Variants in MAD1L1 observed in about 807,000 individuals in gnomAD.
MAD1L1 encodes the protein mitotic spindle assembly checkpoint protein MAD1.
A neutral mutation model predicts 96.9 loss-of-function variants in MAD1L1; 95 were observed. That is an observed-to-expected ratio of 0.98 (90% CI 0.83 to 1.16). MAD1L1 has a LOEUF of 1.16. MAD1L1 is among the 50% of genes most tolerant of loss of function. The pLI is 0.00. For missense variants in MAD1L1, 1,007 were observed against 954.4 expected (o/e 1.06, Z -0.73); for synonymous variants, 473 against 396.6 (o/e 1.19, Z -2.29).
intron 17 of MAD1L1, among the ~76,000 whole-genome samples, chr7:1,916,430 A>G (rs1310754622): frequency 3.3e-5 from 5 of 152,174 alleles, no homozygotes; most frequent in Non-Finnish European, 7.4e-5. Context: ...GCTGGGCAGT[A>G]CAGAAAGAGG....
chr7:2,000,217 C>T (rs1427303112), intron 14 of MAD1L1, among the ~76,000 whole-genome samples: 1 of 152,120 alleles, frequency 6.6e-6, no homozygotes, highest in Non-Finnish European at 1.5e-5. Context: ...ATTCCCAGCC[C>T]TCACGCTCTC....
intron 12 of MAD1L1, among the ~76,000 whole-genome samples, chr7:2,021,167 C>T (rs751182058): frequency 3.3e-5 from 5 of 152,102 alleles, no homozygotes; most frequent in East Asian, 1.9e-4. Flanking sequence ...AAGTATCTGC[C>T]GTGATAATGG....
intron 11 of MAD1L1, among the ~76,000 whole-genome samples, chr7:2,137,901 G>A (rs1788829760): frequency 6.6e-6 from 1 of 152,240 alleles, no homozygotes; most frequent in Non-Finnish European, 1.5e-5. Flanking sequence ...GATGGCAGCT[G>A]CTGCTCACAG....
At chr7:2,115,671 GAC>G (rs899246056) in intron 11 of MAD1L1, among the ~76,000 whole-genome samples, 16 of 152,372 alleles carry the variant, frequency 1.1e-4, no homozygotes, top group Non-Finnish European at 1.5e-4. Flanking sequence ...CGGGCCTGTG[GAC>G]ACTCAGTCTG....
At chr7:2,131,535 G>A (rs548703264) in intron 11 of MAD1L1, among the ~76,000 whole-genome samples, 10 of 152,314 alleles carry the variant, frequency 6.6e-5, no homozygotes, top group African/African-American at 1.4e-4. Context: ...GTTCCCCGAC[G>A]AGCTTGTCAG....
chr7:2,145,517 G>A (rs980189323), intron 11 of MAD1L1, among the ~76,000 whole-genome samples: 1 of 152,218 alleles, frequency 6.6e-6, no homozygotes, highest in Non-Finnish European at 1.5e-5. Flanking sequence ...CAGTAAAAGG[G>A]GTCAAAACTA....
chr7:2,226,426 C>T (rs528876651), intron 3 of MAD1L1, among the ~76,000 whole-genome samples: 3 of 151,170 alleles, frequency 2.0e-5, no homozygotes, highest in East Asian at 1.9e-4. Context: ...CCACACAGGA[C>T]TAGTGATTAC....
chr7:2,027,041 CTA>C lies in MAD1L1; in HGVS notation c.1219-12401_1219-12400del, dbSNP rs577693045. On this transcript the variant is annotated intron_variant, in intron 12 of 18. Coordinates refer to ENST00000265854, the MANE Select transcript of MAD1L1 (RefSeq NM_001013836.2). Reference sequence around the variant, plus strand: ...AATAACAATATTGAAAAAGACATAACTAGAGATCACAAAAATATTAAAAACAT... The same window carrying C: ...AATAACAATATTGAAAAAGACATAACGAGATCACAAAAATATTAAAAACAT... Among the ~76,000 whole-genome samples the C allele has an allele frequency of 4.5e-3, 688 of 151,890 alleles. 4 individuals are homozygous for C. Among genetic ancestry groups the C allele is most frequent in the Non-Finnish European group, 6.1e-3 (414 of 67,924 alleles).
rs1787553940 is a variant in MAD1L1, at chr7:2,114,447, G to A, written c.1073+34705C>T. 6.6e-6 allele frequency among the ~76,000 whole-genome samples: 1 copy of A among 152,222 alleles called. No homozygotes were observed. The highest frequency in any genetic ancestry group is 1.5e-5 in the Non-Finnish European group (1 of 68,036). On this transcript the variant is annotated intron_variant, in intron 11 of 18. Coordinates refer to ENST00000265854, the MANE Select transcript of MAD1L1 (RefSeq NM_001013836.2). This position sits in a 1 kb window ranked among gnomAD's most constrained non-coding sequence, Gnocchi z 4.2. ...TAAGGCCACAAAGTGTATGGTCCTA[G>A]GGCATCTTTCCTGAAAGAGACAATT...
chr7:2,015,204 G>A (rs1379366159), intron 12 of MAD1L1, among the ~76,000 whole-genome samples: 1 of 152,200 alleles, frequency 6.6e-6, no homozygotes, highest in Non-Finnish European at 1.5e-5. Context: ...GTTCCAATGG[G>A]ACAGGAAACC....
At chr7:2,161,160 G>C (rs1354291994) in intron 10 of MAD1L1, among the ~76,000 whole-genome samples, 1 of 3,704 alleles carries the variant, frequency 2.7e-4, no homozygotes, top group African/African-American at 9.6e-4. Flanking sequence ...ATGCCGAGCC[G>C]AGGCTGGACT....
intron 17 of MAD1L1, among the ~76,000 whole-genome samples, chr7:1,934,627 G>A (rs951677508): frequency 5.8e-4 from 87 of 149,398 alleles, no homozygotes; most frequent in African/African-American, 2.0e-3. Context: ...ACGAACAGAC[G>A]GGCGAACCCG....
chr7:1,929,802 C>CCGTCCCCTACTGACACATCCCACCACCA, intron 17 of MAD1L1, among the ~76,000 whole-genome samples: 1 of 101,162 alleles, frequency 9.9e-6, no homozygotes, highest in African/African-American at 4.8e-5. Context: ...TCCCCTCGCC[C>CCGTCCCCTACTGACACATCCCACCACCA]CGTCCCCACT....
intron 10 of MAD1L1, among the ~76,000 whole-genome samples, chr7:2,207,128 T>A (rs376634954): frequency 2.1e-4 from 32 of 151,854 alleles, no homozygotes; most frequent in African/African-American, 7.7e-4. Context: ...CAATTTCTGC[T>A]GGGGCTTTGA....
chr7:1,878,576 A>AG (rs1785506493), intron 18 of MAD1L1, among the ~76,000 whole-genome samples: 2 of 151,948 alleles, frequency 1.3e-5, no homozygotes, highest in African/African-American at 4.8e-5. Context: ...TAGATGTAAA[A>AG]AAAAAAACTG....
chr7:2,040,439 T>C (rs966665535), intron 12 of MAD1L1, among the ~76,000 whole-genome samples: 1 of 152,222 alleles, frequency 6.6e-6, no homozygotes, highest in Non-Finnish European at 1.5e-5. Context: ...TTGCTCATTT[T>C]ATTCCATCGT....
chr7:2,011,884 G>T (rs559178379), intron 13 of MAD1L1, among the ~76,000 whole-genome samples: 1 of 152,304 alleles, frequency 6.6e-6, no homozygotes, highest in African/African-American at 2.4e-5. Context: ...TGCTTCTGGA[G>T]GGTACCCAGG....
intron 17 of MAD1L1, among the ~76,000 whole-genome samples, chr7:1,933,529 CCA>C (rs987584905): frequency 3.9e-5 from 6 of 152,210 alleles, no homozygotes; most frequent in African/African-American, 1.4e-4. Context: ...GAGCAGCGGT[CCA>C]CAAACGCGCT....
chr7:2,053,629 C>T (rs967466259), intron 12 of MAD1L1, among the ~76,000 whole-genome samples: 1 of 152,190 alleles, frequency 6.6e-6, no homozygotes, highest in East Asian at 1.9e-4. Context: ...CCGCACAGCA[C>T]GTTCCAGCCA....
Sources: gnomAD v4.1 joint callset for allele counts (sites outside exome capture counted in the v4.1 genomes callset) on GRCh38, gnomAD v4.1.1 for gene constraint, Gnocchi (gnomAD v3.1) non-coding constraint, MANE v1.5 for transcripts, NCBI Gene and HGNC (gene_info 2026-07-23, HGNC 2026-07-21) for gene names.